The following LIN52 variants were observed in gnomAD, a reference collection of about 807,000 sequenced individuals.
LIN52 encodes lin-52 DREAM MuvB core complex component.
In LIN52, 4 loss-of-function variants were observed where a neutral mutation model predicts 18.5. The observed-to-expected ratio is 0.22, with a 90% CI of 0.11 to 0.49. LIN52 has a LOEUF of 0.49. LIN52 is among the 20% of genes least tolerant of loss of function. The probability of loss-of-function intolerance (pLI) is 0.97; values close to 1 mark genes in which losing one functional copy is unlikely to be tolerated. For synonymous variants in LIN52, 34 were observed against 45.5 expected (o/e 0.75, Z 1.02); for missense variants, 102 against 139.5 (o/e 0.73, Z 1.35).
At chr14:74,115,001 A>G (rs960706710) in intron 5 of LIN52, among the ~76,000 whole-genome samples, 5 of 152,168 alleles carry the variant, frequency 3.3e-5, no homozygotes, top group African/African-American at 1.2e-4. Flanking sequence ...TGGCCTCTCT[A>G]TACAGTAGAC....
rs570770846 is a variant in LIN52 at position 74,096,342 on chromosome 14, G to A, written c.132+357G>A. 3.3e-5 allele frequency among the ~76,000 whole-genome samples: 5 copies of A among 152,128 alleles called. No individual in the cohort carries two copies. The South Asian group carries it at 8.3e-4, about 25-fold the overall frequency. ...CCCAAAGTGCTGGGATTACAGGTGT[G>A]AGCCACCGCGCCTGGCCTTTTAAAA... On this transcript the variant is annotated intron_variant, in intron 3 of 5. Transcript: ENST00000555028.
At chr14:74,093,847 A>G (rs2060789617) in intron 2 of LIN52, among the ~76,000 whole-genome samples, 1 of 152,138 alleles carries the variant, frequency 6.6e-6, no homozygotes, top group Non-Finnish European at 1.5e-5. Flanking sequence ...CATGCCTGTA[A>G]TCCCAGCTAC....
At chr14:74,180,194 T>A (rs1048920755) in intron 5 of LIN52, among the ~76,000 whole-genome samples, 1 of 151,926 alleles carries the variant, frequency 6.6e-6, no homozygotes, top group Non-Finnish European at 1.5e-5. Flanking sequence ...GCTCTCTACC[T>A]GCATAGTGTC....
intron 5 of LIN52, among the ~76,000 whole-genome samples, chr14:74,181,663 A>G (rs1410214705): frequency 6.6e-6 from 1 of 152,248 alleles, no homozygotes; most frequent in African/African-American, 2.4e-5. Flanking sequence ...AGACTATTAT[A>G]CTCAATATAA....
intron 5 of LIN52, 123 bp downstream of exon 5, chr14:74,101,361 G>A (rs781344690): frequency 1.8e-6 from 1 of 543,768 alleles, no homozygotes; most frequent in African/African-American, 2.0e-5. Context: ...AGGGAAAAGA[G>A]AAGCATTCTG....
intron 5 of LIN52, among the ~76,000 whole-genome samples, chr14:74,173,950 A>C (rs2061281501): frequency 6.6e-6 from 1 of 152,204 alleles, no homozygotes; most frequent in South Asian, 2.1e-4. Context: ...TTCAGGATAG[A>C]GGTAAGAGGT....
chr14:74,101,832 C>G (rs1266586905), intron 5 of LIN52, among the ~76,000 whole-genome samples: 2 of 152,098 alleles, frequency 1.3e-5, no homozygotes, highest in African/African-American at 4.8e-5. Context: ...TAGACAGAGT[C>G]TTACTATGTT....
At chr14:74,170,091 G>C (rs1176974855) in intron 5 of LIN52, among the ~76,000 whole-genome samples, 1 of 152,220 alleles carries the variant, frequency 6.6e-6, no homozygotes. Flanking sequence ...AGGAACAGAA[G>C]TGTGAAGTCA....
chr14:74,113,976 T>C (rs888074681), intron 5 of LIN52: 3 of 180,974 alleles, frequency 1.7e-5, no homozygotes, highest in Admixed American at 6.5e-5. Flanking sequence ...TTTTCTTTTT[T>C]TTTTCTTTTC....
intron 4 of LIN52, 141 bp downstream of exon 4, chr14:74,098,001 GT>G (rs1706122787): frequency 4.8e-6 from 3 of 623,928 alleles, no homozygotes; most frequent in African/African-American, 1.9e-5. Flanking sequence ...AGTTTTTCAT[GT>G]CTGCAATGCC....
intron 5 of LIN52, among the ~76,000 whole-genome samples, chr14:74,191,601 T>C (rs2078876514): frequency 1.3e-5 from 2 of 152,086 alleles, no homozygotes; most frequent in Non-Finnish European, 2.9e-5. Flanking sequence ...CTTTAGCACA[T>C]TGATTTAAAC....
At chr14:74,165,863 G>A (rs1326547976) in intron 5 of LIN52, among the ~76,000 whole-genome samples, 1 of 151,024 alleles carries the variant, frequency 6.6e-6, no homozygotes, top group African/African-American at 2.4e-5. Context: ...ACAATATCCA[G>A]TCTCTGTCCC....
At chr14:74,110,864 G>C (rs1260645451) in intron 5 of LIN52, among the ~76,000 whole-genome samples, 1 of 151,156 alleles carries the variant, frequency 6.6e-6, no homozygotes, top group Admixed American at 6.6e-5. Context: ...AACTTGGGAG[G>C]CTGAGGCAGG....
In LIN52 at chr14:74,101,740, G is replaced by A. The variant is rs1295537328; in HGVS notation, c.283+502G>A. Among the ~76,000 whole-genome samples, 5 of 152,170 alleles carry A rather than the reference G, an allele frequency of 3.3e-5. No individual in the cohort carries two copies. The East Asian group carries it at 5.8e-4, about 18-fold the overall frequency. The stretch of plus-strand genomic sequence containing the variant: ...CTCCCAAAGTGCTGGGATTACAGGC[G>A]TGAGCCACCGCGCCCGGCCGATTTT... On this transcript the variant is annotated intron_variant, in intron 5 of 5. Coordinates refer to ENST00000555028, the MANE Select transcript of LIN52 (RefSeq NM_001024674.3).
At position 74,130,278 on chromosome 14, in the gene LIN52, G is replaced by GTT. The variant is rs71460958; in HGVS notation, c.283+29057_283+29058dup. On this transcript the variant is annotated intron_variant, in intron 5 of 5. Transcript: ENST00000555028. The stretch of plus-strand genomic sequence containing the variant: ...GAATTTATTAGATAGGCATTTTTTG[G>GTT]TTTTTTTTTTTTTTTTTTGAGACAG... Among the ~76,000 whole-genome samples, 37 of 64,818 alleles carry GTT rather than the reference G, an allele frequency of 5.7e-4. 2 individuals are homozygous for GTT. Among genetic ancestry groups the GTT allele is most frequent in the Middle Eastern group, 0.011 (1 of 88 alleles). 42.5% of individuals were successfully genotyped at this position (64,818 alleles called of 152,430 possible). A position where few individuals can be genotyped will look rare whatever the true frequency, so the allele number is the denominator to read the frequency against.
At chr14:74,097,569 A>C (rs905824599) in intron 3 of LIN52, among the ~76,000 whole-genome samples, 4 of 151,784 alleles carry the variant, frequency 2.6e-5, no homozygotes, top group Non-Finnish European at 5.9e-5. Context: ...AGTAGCTGAG[A>C]TTACAGGTGT....
chr14:74,104,708 A>G (rs1198087455), intron 5 of LIN52, among the ~76,000 whole-genome samples: 1 of 151,626 alleles, frequency 6.6e-6, no homozygotes, highest in Non-Finnish European at 1.5e-5. Context: ...AGATCTAACT[A>G]TCAGGAAATA....
intron 5 of LIN52, among the ~76,000 whole-genome samples, chr14:74,141,970 G>GCC (rs1197665290): frequency 6.6e-6 from 1 of 152,204 alleles, no homozygotes; most frequent in Non-Finnish European, 1.5e-5. Context: ...GGCTAACAAA[G>GCC]CAAGTTTGTG....
intron 5 of LIN52, among the ~76,000 whole-genome samples, chr14:74,155,309 C>T (rs1277431071): frequency 1.3e-5 from 2 of 152,164 alleles, no homozygotes; most frequent in South Asian, 4.1e-4. Flanking sequence ...GGCTGATAAA[C>T]CTTGCTAGCT....
Sources: allele counts gnomAD v4.1 joint callset (sites outside exome capture counted in the v4.1 genomes callset), GRCh38; gene constraint gnomAD v4.1.1; transcripts MANE v1.5; gene names NCBI Gene and HGNC (gene_info 2026-07-23, HGNC 2026-07-21).